Variants in EFCAB6 observed in about 807,000 individuals in gnomAD.
The protein encoded by EFCAB6 is EF-hand calcium binding domain 6.
In EFCAB6, 156 loss-of-function variants were observed where a neutral mutation model predicts 169.8. The observed-to-expected ratio is 0.92, with a 90% confidence interval of 0.81 to 1.05. The LOEUF is 1.05. Ranked by LOEUF, EFCAB6 falls within the 50% of genes least tolerant of loss-of-function variation. The pLI, the probability that EFCAB6 is intolerant of heterozygous loss-of-function variation, is 0.00. For synonymous variants in EFCAB6, 698 were observed against 676.4 expected (o/e 1.03, Z -0.50); for missense variants, 1,800 against 1,829.1 (o/e 0.98, Z 0.29).
intron 2 of EFCAB6, among the ~76,000 whole-genome samples, chr22:43,791,557 A>G (rs1309301252): frequency 6.6e-6 from 1 of 152,152 alleles, no homozygotes; most frequent in Non-Finnish European, 1.5e-5. Flanking sequence ...GAAAGACCAG[A>G]GGCCACAGTC....
chr22:43,736,891 C>A (rs1431289126), intron 6 of EFCAB6, among the ~76,000 whole-genome samples: 2 of 152,030 alleles, frequency 1.3e-5, no homozygotes, highest in South Asian at 2.1e-4. Flanking sequence ...CCGCCCACCC[C>A]CCATCTTTCC....
chr22:43,744,684 G>A lies in EFCAB6; in HGVS notation c.508-8691C>T, dbSNP rs570999702. On this transcript the variant is annotated intron_variant, in intron 6 of 31. Transcript: ENST00000262726. This position sits in a 1 kb window ranked among gnomAD's most constrained non-coding sequence, Gnocchi z 4.3. Reference sequence around the variant, plus strand: ...ATCTTCCTCAACAGGAAACCATGAAGTTCAGAGGCCCCCAAAGCACTGTCC... The same window carrying A: ...ATCTTCCTCAACAGGAAACCATGAAATTCAGAGGCCCCCAAAGCACTGTCC... Among the ~76,000 whole-genome samples, 7 of 152,218 alleles carry A rather than the reference G, an allele frequency of 4.6e-5. No individual in the cohort carries two copies. In the East Asian group the frequency reaches 1.4e-3, roughly 29 times the overall value.
chr22:43,749,906 T>C (rs1392197294), intron 6 of EFCAB6, among the ~76,000 whole-genome samples: 4 of 152,166 alleles, frequency 2.6e-5, no homozygotes, highest in African/African-American at 2.4e-5. Flanking sequence ...TGAGAAAACC[T>C]TGCAATATTG....
chr22:43,760,370 C>T (rs1238493921), intron 5 of EFCAB6, among the ~76,000 whole-genome samples: 1 of 152,198 alleles, frequency 6.6e-6, no homozygotes, highest in African/African-American at 2.4e-5. Flanking sequence ...CTAACTGTCA[C>T]TCCTCTGAAG....
rs148182033 is a variant in EFCAB6, at chr22:43,742,984, T to G, written c.508-6991A>C. On this transcript the variant is annotated intron_variant, in intron 6 of 31. Transcript: ENST00000262726. Reference sequence around the variant, plus strand: ...CTGGGGAAGGCAAGACAGAAAACTCTGAAGTTCCAAAGTGCGGCTGCATAA... The same window carrying G: ...CTGGGGAAGGCAAGACAGAAAACTCGGAAGTTCCAAAGTGCGGCTGCATAA... Among the ~76,000 whole-genome samples the G allele has an allele frequency of 5.1e-3, 779 of 152,270 alleles. 4 individuals carry two copies. Among genetic ancestry groups the G allele is most frequent in the African/African-American group, 0.018 (741 of 41,524 alleles).
chr22:43,678,141 CTT>C lies in EFCAB6; in HGVS notation c.1272_1273del (p.Glu426ArgfsTer26). ...ATTTAGAATATATCGAAATTCTTCT[CTT>C]GTTATCGGTCCATCGGGTTTCTGAG... On this transcript the variant is annotated frameshift_variant, in exon 13 of 32. Transcript: ENST00000262726. LOFTEE classifies it high-confidence loss of function. 1.3e-6 allele frequency: 2 copies of C among 1,598,088 alleles called. No individual in the cohort carries two copies. The highest frequency in any genetic ancestry group is 1.7e-6 in the Non-Finnish European group (2 of 1,173,390).
chr22:43,580,620 G>A lies in EFCAB6; in HGVS notation c.3072C>T (p.Leu1024=), dbSNP rs367815835. 7.6e-5 allele frequency: 123 copies of A among 1,613,992 alleles called. No homozygotes were observed. The highest frequency in any genetic ancestry group is 9.2e-5 in the Non-Finnish European group (108 of 1,180,028). ...TGTTCTCCACTGCTCTCAGGAAGTCGAGGTAATTGATAGCATTATCATGCC... is the reference window on the plus strand; with the variant it reads ...TGTTCTCCACTGCTCTCAGGAAGTCAAGGTAATTGATAGCATTATCATGCC... The part of the protein sequence containing the change: ...VSRHDNAINY[L]DFLRAVENSK... Residue 1024 remains leucine (L), a synonymous_variant, in exon 25 of 32, where the codon CTC becomes CTT. Coordinates refer to ENST00000262726, the MANE Select transcript of EFCAB6 (RefSeq NM_022785.4).
intron 8 of EFCAB6, among the ~76,000 whole-genome samples, chr22:43,731,072 G>A (rs2059930193): frequency 6.6e-6 from 1 of 152,160 alleles, no homozygotes; most frequent in East Asian, 1.9e-4. Context: ...TGGGAAGGGA[G>A]AGGATCCAAT....
intron 29 of EFCAB6, chr22:43,535,264 G>A (rs2047318218): frequency 5.9e-6 from 1 of 169,266 alleles, no homozygotes; most frequent in Non-Finnish European, 1.2e-5. Context: ...CTGGACTGTG[G>A]GGATGGAATT....
chr22:43,723,337 G>A (rs368020186), intron 8 of EFCAB6, among the ~76,000 whole-genome samples: 1 of 152,118 alleles, frequency 6.6e-6, no homozygotes, highest in African/African-American at 2.4e-5. Flanking sequence ...AGAAATGGAG[G>A]GGGTGTGGAT....
chr22:43,688,050 G>T (rs1402279509), intron 10 of EFCAB6, among the ~76,000 whole-genome samples: 1 of 152,144 alleles, frequency 6.6e-6, no homozygotes, highest in Non-Finnish European at 1.5e-5. Context: ...TTATCCAAGT[G>T]GGCCCACTCT....
chr22:43,616,488 C>A (rs1181216243), intron 20 of EFCAB6, among the ~76,000 whole-genome samples: 3 of 152,118 alleles, frequency 2.0e-5, no homozygotes, highest in Non-Finnish European at 4.4e-5. Context: ...CATGGTGAAA[C>A]CCCGTCTCTA....
intron 2 of EFCAB6, among the ~76,000 whole-genome samples, chr22:43,803,068 G>A (rs2062787096): frequency 6.6e-6 from 1 of 152,132 alleles, no homozygotes; most frequent in South Asian, 2.1e-4. Flanking sequence ...CCTTAAGGAG[G>A]GGAAAACAAA....
rs2059351047 is a variant in EFCAB6, at chr22:43,716,920, T to C, written c.810A>G (p.Leu270=). 1.3e-6 allele frequency: 2 copies of C among 1,583,690 alleles called. No individual in the cohort carries two copies. Among genetic ancestry groups the C allele is most frequent in the African/African-American group, 1.4e-5 (1 of 73,824 alleles). ...AGATATCTTCAGATGATGCAGAACC[T>C]AGCAAACGTTCCTTTTTGGAATTTT... ...QAKNSKKERL[L]GSASSEDIWR... The change falls in exon 9 of 32, where the codon CTA becomes CTG. Residue 270 remains leucine (L), a synonymous_variant. Coordinates refer to ENST00000262726, the MANE Select transcript of EFCAB6 (RefSeq NM_022785.4).
At chr22:43,676,779 A>C (rs2057781194) in intron 13 of EFCAB6, among the ~76,000 whole-genome samples, 1 of 152,188 alleles carries the variant, frequency 6.6e-6, no homozygotes, top group African/African-American at 2.4e-5. Flanking sequence ...TATGCCATAA[A>C]CTCTTCCCAA....
intron 10 of EFCAB6, among the ~76,000 whole-genome samples, chr22:43,697,221 C>T (rs1603239598): frequency 6.6e-6 from 1 of 152,170 alleles, no homozygotes; most frequent in African/African-American, 2.4e-5. Flanking sequence ...TTTAGCATTA[C>T]CTAACGTAAA....
At chr22:43,620,385 C>T (rs9614242) in intron 20 of EFCAB6, among the ~76,000 whole-genome samples, 31,577 of 151,970 alleles carry the variant, frequency 0.21, 3,492 homozygotes, top group Middle Eastern at 0.29. Context: ...TATGAGAAAA[C>T]GGAATACTTG....
In EFCAB6 at chr22:43,530,552, C is replaced by T. The variant is rs1370259346; in HGVS notation, c.4383+263G>A. The T allele has an allele frequency of 5.1e-6, 5 of 985,300 alleles. No individual in the cohort carries two copies. The East Asian group carries it at 5.7e-4, about 112-fold the overall frequency. The allele number at this position is 985,300 out of a possible 1,614,324, so 61.0% of individuals were successfully genotyped here. A position where few individuals can be genotyped will look rare whatever the true frequency, so the allele number is the denominator to read the frequency against. ...GCCTTAAGGAACCTGGGCTCAGGCACTGACCCTGAGGAGCTGGCGATGCAG... is the reference window on the plus strand; with the variant it reads ...GCCTTAAGGAACCTGGGCTCAGGCATTGACCCTGAGGAGCTGGCGATGCAG... On this transcript the variant is annotated intron_variant, in intron 31 of 31. Coordinates refer to ENST00000262726, the MANE Select transcript of EFCAB6 (RefSeq NM_022785.4).
chr22:43,678,674 G>T (rs2057878913), intron 12 of EFCAB6, among the ~76,000 whole-genome samples: 1 of 152,068 alleles, frequency 6.6e-6, no homozygotes, highest in Non-Finnish European at 1.5e-5. Flanking sequence ...AAAAATTTCA[G>T]CCATGCTGCA....
Sources: allele counts gnomAD v4.1 joint callset (sites outside exome capture counted in the v4.1 genomes callset), GRCh38; gene constraint gnomAD v4.1.1; non-coding constraint Gnocchi (gnomAD v3.1); transcripts MANE v1.5; gene names NCBI Gene and HGNC (gene_info 2026-07-23, HGNC 2026-07-21).